Variants in DAB1 observed in about 807,000 individuals in gnomAD.
The protein encoded by DAB1 is DAB adaptor protein 1, also known as disabled homolog 1.
DAB1 carries 15 observed loss-of-function variants against 64.6 expected under a neutral mutation model. The observed-to-expected ratio is 0.23, with a 90% CI of 0.16 to 0.36. The LOEUF is 0.36. Ranked by LOEUF, DAB1 falls within the 10% of genes least tolerant of loss-of-function variation. The pLI, the probability that DAB1 is intolerant of heterozygous loss-of-function variation, is 1.00. For missense variants in DAB1, 596 were observed against 706.7 expected, an observed-to-expected ratio of 0.84 and a Z score of 1.78; for synonymous variants, 235 against 251.9, an observed-to-expected ratio of 0.93 and a Z score of 0.64.
chr1:57,502,058 C>T (rs1380888139), intron 7 of DAB1, among the ~76,000 whole-genome samples: 1 of 152,088 alleles, frequency 6.6e-6, no homozygotes, highest in Non-Finnish European at 1.5e-5. Flanking sequence ...CGGTGGCTCA[C>T]GCCTGAAATC....
downstream of DAB1, among the ~76,000 whole-genome samples, chr1:57,821,299 G>C (rs1469077359): frequency 6.6e-6 from 1 of 151,986 alleles, no homozygotes; most frequent in Non-Finnish European, 1.5e-5. Flanking sequence ...AAGAGATAGA[G>C]GGCATAATAA....
At chr1:58,409,941 G>C (rs1264457924) in intron 3 of DAB1, among the ~76,000 whole-genome samples, 4 of 152,134 alleles carry the variant, frequency 2.6e-5, no homozygotes, top group Non-Finnish European at 5.9e-5. Flanking sequence ...CTGGTTTGAT[G>C]ACAAAGTGTT....
chr1:57,973,458 T>A (rs945672877), intron 5 of DAB1, among the ~76,000 whole-genome samples: 1 of 152,204 alleles, frequency 6.6e-6, no homozygotes, highest in Non-Finnish European at 1.5e-5. Flanking sequence ...AGGAAGCTAA[T>A]ACAATAAATA....
chr1:57,405,010 G>A (rs184078409), intron 1 of DAB1, among the ~76,000 whole-genome samples: 124 of 152,244 alleles, frequency 8.1e-4, no homozygotes, highest in African/African-American at 2.9e-3. Context: ...TCTCGCTCTG[G>A]TTTGAAATGT....
intron 4 of DAB1, among the ~76,000 whole-genome samples, chr1:57,115,898 T>C (rs925721954): frequency 6.6e-6 from 1 of 152,174 alleles, no homozygotes; most frequent in Non-Finnish European, 1.5e-5. Context: ...AAGGGCCTGA[T>C]TATCAAACAA....
chr1:57,105,370 G>A (rs970802728), intron 4 of DAB1, among the ~76,000 whole-genome samples: 4 of 151,908 alleles, frequency 2.6e-5, no homozygotes, highest in Non-Finnish European at 5.9e-5. Context: ...CCTTTCAAGC[G>A]CTTCCCAGTG....
chr1:58,534,419 T>G, intron 1 of DAB1: 1 of 624,782 alleles, frequency 1.6e-6, no homozygotes, highest in Non-Finnish European at 2.8e-6. Flanking sequence ...CTACTTATTA[T>G]TGAACATTTT....
At chr1:57,068,522 C>A (rs1481444788) in intron 8 of DAB1, among the ~76,000 whole-genome samples, 1 of 152,222 alleles carries the variant, frequency 6.6e-6, no homozygotes, top group East Asian at 1.9e-4. Context: ...ATAGGCCACA[C>A]AACTAACAAA....
chr1:57,147,182 G>A (rs1423600887), intron 2 of DAB1, among the ~76,000 whole-genome samples: 5 of 151,710 alleles, frequency 3.3e-5, no homozygotes, highest in South Asian at 2.1e-4. Context: ...AGGCACACAC[G>A]GTCATACTTG....
chr1:57,588,747 G>T (rs1318524251), intron 7 of DAB1, among the ~76,000 whole-genome samples: 3 of 152,082 alleles, frequency 2.0e-5, no homozygotes, highest in Non-Finnish European at 1.5e-5. Flanking sequence ...CAAAAGAACA[G>T]AATTGAAAGG....
intron 3 of DAB1, among the ~76,000 whole-genome samples, chr1:58,494,412 A>G (rs1429845951): frequency 7.9e-5 from 12 of 152,136 alleles, no homozygotes; most frequent in Admixed American, 6.5e-5. Flanking sequence ...GCCAAAATTG[A>G]TAAATGGGAT....
intron 5 of DAB1, among the ~76,000 whole-genome samples, chr1:58,027,191 G>A (rs1252995898): frequency 6.6e-6 from 1 of 152,160 alleles, no homozygotes; most frequent in African/African-American, 2.4e-5. Flanking sequence ...TGTGAAAAAG[G>A]AAGACAATAT....
At chr1:57,387,338 AC>A (rs1459632578) in intron 1 of DAB1, 2 of 152,226 alleles carry the variant, frequency 1.3e-5, no homozygotes, top group Middle Eastern at 3.2e-3. Context: ...CATTAGCAGT[AC>A]TACCAGAATT....
chr1:57,731,812 A>AT (rs201986723), intron 6 of DAB1, among the ~76,000 whole-genome samples: 2,206 of 151,902 alleles, frequency 0.015, 39 homozygotes, highest in Middle Eastern at 0.024. Flanking sequence ...CTCAAAAAAA[A>AT]AATAATAATA....
At chr1:57,547,919 C>T (rs1018655211) in intron 7 of DAB1, among the ~76,000 whole-genome samples, 1 of 152,128 alleles carries the variant, frequency 6.6e-6, no homozygotes, top group South Asian at 2.1e-4. Flanking sequence ...ACAAGCAGAT[C>T]AATCCTTGTT....
At chr1:57,192,505 A>G (rs12080233) in intron 2 of DAB1, among the ~76,000 whole-genome samples, 12,452 of 152,296 alleles carry the variant, frequency 0.082, 589 homozygotes, top group Middle Eastern at 0.14. Flanking sequence ...CATTGAGAAC[A>G]GTGAAAGGAG....
At chr1:57,752,417 G>A (rs1011330385) in intron 6 of DAB1, among the ~76,000 whole-genome samples, 1 of 152,180 alleles carries the variant, frequency 6.6e-6, no homozygotes, top group Admixed American at 6.5e-5. Flanking sequence ...GGGGTGTGGG[G>A]ACATCGTTGC....
At chr1:58,334,628 TATTATATC>T (rs773386129) in intron 4 of DAB1, among the ~76,000 whole-genome samples, 19,617 of 146,906 alleles carry the variant, frequency 0.13, 1,458 homozygotes, top group South Asian at 0.28. Flanking sequence ...TATTATATTA[TATTATATC>T]ATATCATATC....
At chr1:58,180,126 G>A (rs967213703) in intron 4 of DAB1, among the ~76,000 whole-genome samples, 1 of 151,460 alleles carries the variant, frequency 6.6e-6, no homozygotes, top group Non-Finnish European at 1.5e-5. Context: ...TATCTGTAAG[G>A]GATCCTGGAA....
Sources: gnomAD v4.1 joint callset for allele counts (sites outside exome capture counted in the v4.1 genomes callset) on GRCh38, gnomAD v4.1.1 for gene constraint, MANE v1.5 for transcripts, NCBI Gene and HGNC (gene_info 2026-07-23, HGNC 2026-07-21) for gene names.